The following CD109 variants were observed in gnomAD, a reference collection of about 807,000 sequenced individuals.
The protein encoded by CD109 is CD109 antigen.
A neutral mutation model predicts 165.8 loss-of-function variants in CD109; 149 were observed. The observed-to-expected ratio is 0.90, with a 90% CI of 0.79 to 1.03. CD109 has a LOEUF of 1.03. Ranked by LOEUF, CD109 falls within the 50% of genes least tolerant of loss-of-function variation. The pLI, the probability that CD109 is intolerant of heterozygous loss-of-function variation, is 0.00. For synonymous variants in CD109, 585 were observed against 592.1 expected, an observed-to-expected ratio of 0.99 and a Z score of 0.18; for missense variants, 1,712 against 1,677.8, an observed-to-expected ratio of 1.02 and a Z score of -0.36.
chr6:73,779,720 A>G (rs1271106987), intron 15 of CD109, among the ~76,000 whole-genome samples: 4 of 151,954 alleles, frequency 2.6e-5, no homozygotes, highest in Non-Finnish European at 5.9e-5. Context: ...TACTGTTTTC[A>G]GTCCTTTTGT....
intron 2 of CD109, among the ~76,000 whole-genome samples, chr6:73,719,128 C>G (rs779170195): frequency 1.3e-5 from 2 of 152,056 alleles, no homozygotes; most frequent in Non-Finnish European, 2.9e-5. Context: ...GGTTGTAAGT[C>G]TCAGAAATAT....
intron 26 of CD109, among the ~76,000 whole-genome samples, chr6:73,809,488 A>G (rs1030559231): frequency 2.0e-5 from 3 of 152,114 alleles, no homozygotes; most frequent in Non-Finnish European, 4.4e-5. Flanking sequence ...TAGGAAAACT[A>G]TTTTCATCAA....
At position 73,762,832 on chromosome 6, in the gene CD109, C is replaced by G. The variant is rs768849691; in HGVS notation, c.947C>G (p.Ser316Cys). Residue 316 changes from serine (S) to cysteine (C), a missense_variant, in exon 9 of 33, where the codon TCT becomes TGT. Transcript: ENST00000287097. ...GGACTTTCTGAATACCTGGATCTATCTTCCCCTGGACCAGTAGAAATTTTA... is the reference window on the plus strand; with the variant it reads ...GGACTTTCTGAATACCTGGATCTATGTTCCCCTGGACCAGTAGAAATTTTA... ...SNGLSEYLDL[S>C]SPGPVEILTT... The G allele has an allele frequency of 8.1e-6, 13 of 1,612,954 alleles. No homozygotes were observed. In the South Asian group the frequency reaches 1.3e-4, roughly 16 times the overall value.
chr6:73,718,570 CT>C (rs796867633), intron 2 of CD109, among the ~76,000 whole-genome samples: 414 of 144,456 alleles, frequency 2.9e-3, no homozygotes, highest in Admixed American at 2.9e-3. Context: ...GTGCATACAA[CT>C]TTTTTTTTTT....
upstream of CD109, among the ~76,000 whole-genome samples, chr6:73,692,114 G>A (rs1443603049): frequency 1.3e-5 from 2 of 151,966 alleles, no homozygotes; most frequent in Admixed American, 1.3e-4. Context: ...ACAGCACCAC[G>A]GGGGAAATCT....
chr6:73,762,679 T>C (rs1301247356), intron 8 of CD109, 62 bp from the exon 9 acceptor site: 4 of 1,383,312 alleles, frequency 2.9e-6, no homozygotes, highest in Non-Finnish European at 4.0e-6. Context: ...TTAGTTTGAG[T>C]TTTATTTCTA....
At chr6:73,760,270 G>A (rs939719737) in intron 7 of CD109, among the ~76,000 whole-genome samples, 5 of 151,674 alleles carry the variant, frequency 3.3e-5, no homozygotes, top group Non-Finnish European at 7.4e-5. Flanking sequence ...AGCCGGGCGC[G>A]GTGGCGGGCG....
chr6:73,679,818 A>G, the CD109 span, among the ~76,000 whole-genome samples: 1 of 152,006 alleles, frequency 6.6e-6, no homozygotes, highest in African/African-American at 2.4e-5. Context: ...TGTTTTTAGT[A>G]GAGATGGGGT....
In CD109 at chr6:73,710,711, G is replaced by A. The variant is rs185739120; in HGVS notation, c.248-12540G>A. Among the ~76,000 whole-genome samples the A allele has an allele frequency of 1.0e-3, 157 of 152,156 alleles. No individual in the cohort carries two copies. In the East Asian group the frequency reaches 0.022, roughly 21 times the overall value. On this transcript the variant is annotated intron_variant, in intron 2 of 32. Transcript: ENST00000287097. ...CTGCTGATGACTCATTTTGGCTTAG[G>A]TAGATCTTCACCCTTATCCCTTATC...
intron 15 of CD109, among the ~76,000 whole-genome samples, chr6:73,772,505 C>CAAAAAA (rs1027095366): frequency 2.5e-5 from 1 of 39,570 alleles, no homozygotes; most frequent in Non-Finnish European, 5.0e-5. Context: ...GACTCTGTCT[C>CAAAAAA]AAAAAAAAAA....
intron 23 of CD109, among the ~76,000 whole-genome samples, chr6:73,798,841 C>T (rs9442968): frequency 0.54 from 82,080 of 151,938 alleles, 22,663 homozygotes; most frequent in African/African-American, 0.65. Flanking sequence ...TTGGAACTGC[C>T]GTTGTTGATG....
chr6:73,760,832 G>A (rs1773591016), intron 7 of CD109, among the ~76,000 whole-genome samples: 1 of 152,064 alleles, frequency 6.6e-6, no homozygotes, highest in African/African-American at 2.4e-5. Context: ...GTGACAGAGC[G>A]AGACTCTGTC....
intron 7 of CD109, among the ~76,000 whole-genome samples, chr6:73,761,334 G>A (rs1187209111): frequency 1.3e-5 from 2 of 152,088 alleles, no homozygotes; most frequent in African/African-American, 4.8e-5. Context: ...AGGAGTGAAA[G>A]ATTTATGTAA....
chr6:73,710,910 A>G (rs573373502), intron 2 of CD109, among the ~76,000 whole-genome samples: 93 of 152,346 alleles, frequency 6.1e-4, no homozygotes, highest in Non-Finnish European at 1.1e-3. Flanking sequence ...ACAAAAGAGC[A>G]TGGTTGTGTA....
intron 29 of CD109, among the ~76,000 whole-genome samples, chr6:73,813,849 GGT>G (rs1775835988): frequency 6.6e-6 from 1 of 151,988 alleles, no homozygotes; most frequent in African/African-American, 2.4e-5. Flanking sequence ...TGATAGCATT[GGT>G]CTCTAAAGGG....
At position 73,771,482 on chromosome 6, in the gene CD109, T is replaced by C. The variant is rs1774031708; in HGVS notation, c.1728T>C (p.Leu576=). The change falls in exon 15 of 33, where the codon CTT becomes CTC. Residue 576 remains leucine, a synonymous_variant. Coordinates refer to ENST00000287097, the MANE Select transcript of CD109 (RefSeq NM_133493.5). ...CTGAACCATCTGAGAAAGTCTCTCT[T>C]AGGATCTCTGTGACACAGCCTGACT... ...VKAEPSEKVS[L]RISVTQPDSI... 1 of 1,610,864 alleles carries C rather than the reference T, an allele frequency of 6.2e-7. No individual in the cohort carries two copies. Among genetic ancestry groups the C allele is most frequent in the East Asian group, 2.2e-5 (1 of 44,742 alleles).
chr6:73,755,593 A>C (rs769120433), intron 5 of CD109, among the ~76,000 whole-genome samples: 1 of 152,186 alleles, frequency 6.6e-6, no homozygotes, highest in Non-Finnish European at 1.5e-5. Context: ...TGCAAATTTC[A>C]TTAGTGGAAT....
chr6:73,738,197 C>G (rs530549291), intron 5 of CD109, among the ~76,000 whole-genome samples: 6 of 152,352 alleles, frequency 3.9e-5, no homozygotes, highest in African/African-American at 1.4e-4. Context: ...AGCACAAGCA[C>G]TGATGTTTTG....
At position 73,823,535 on chromosome 6, in the gene CD109, C is replaced by G; in HGVS notation, c.4240C>G (p.Arg1414Gly). 1 of 1,613,962 alleles carries G rather than the reference C, an allele frequency of 6.2e-7. No homozygotes were observed. Among genetic ancestry groups the G allele is most frequent in the East Asian group, 2.2e-5 (1 of 44,888 alleles). Residue 1414 changes from arginine to glycine, a missense_variant, in exon 33 of 33, where the codon CGT (arginine) becomes GGT (glycine). Transcript: ENST00000287097. ...CDLCSDVQGC[R>G]PCEDGASGSH... ...CCTTTGCAGTGATGTCCAGGGCTGC[C>G]GTCCTTGTGAGGATGGAGCTTCAGG...
Sources: gnomAD v4.1 joint callset for allele counts (sites outside exome capture counted in the v4.1 genomes callset) on GRCh38, gnomAD v4.1.1 for gene constraint, MANE v1.5 for transcripts, NCBI Gene and HGNC (gene_info 2026-07-23, HGNC 2026-07-21) for gene names.